Variants in ABCA3 observed in about 807,000 individuals in gnomAD.
ABCA3 encodes phospholipid-transporting ATPase ABCA3.
In ABCA3, 88 loss-of-function variants were observed where a neutral mutation model predicts 172.8. The observed-to-expected ratio is 0.51, with a 90% confidence interval of 0.43 to 0.61. ABCA3 has a LOEUF of 0.61. Among genes scored for constraint, ABCA3 ranks in the 20% least tolerant of loss-of-function variants. The pLI is 0.00. For missense variants in ABCA3, 2,164 were observed against 2,301.0 expected, an observed-to-expected ratio of 0.94 and a Z score of 1.22; for synonymous variants, 1,066 against 983.8, an observed-to-expected ratio of 1.08 and a Z score of -1.56.
At chr16:2,276,827 C>G in intron 32 of ABCA3, 22 bp from the exon 33 acceptor site, 1 of 1,613,384 alleles carries the variant, frequency 6.2e-7, no homozygotes, top group Non-Finnish European at 8.5e-7. Context: ...AGAAAAGTCA[C>G]TGGTAGGAGA....
rs45442195 is a variant in ABCA3, at chr16:2,328,680, G to A, written c.-254C>T. On this transcript the variant is annotated 5_prime_UTR_variant, in exon 3 of 33. It adds an upstream start codon to the 5' untranslated region. Transcript: ENST00000301732. ...CAGAGAGGAGTCCTTCCCGCTCAGC[G>A]TCCTTCATGTGCGGAAAAGCCTCCT... The A allele has an allele frequency of 1.7e-3, 689 of 397,052 alleles. 4 individuals carry two copies. The highest frequency in any genetic ancestry group is 0.012 in the African/African-American group (583 of 48,436). The allele number at this position is 397,052 out of a possible 1,614,324, so 24.6% of individuals were successfully genotyped here.
At chr16:2,282,023 TTG>T (rs1453654851) in intron 26 of ABCA3, among the ~76,000 whole-genome samples, 2 of 152,044 alleles carry the variant, frequency 1.3e-5, no homozygotes, top group Non-Finnish European at 2.9e-5. Flanking sequence ...CTCCTGACCT[TTG>T]GTGATCCGTC....
chr16:2,284,200 T>C lies in ABCA3; in HGVS notation c.3862+79A>G. On this transcript the variant is annotated intron_variant, in intron 25 of 32. Transcript: ENST00000301732. The surrounding 1 kb of genome is among the most constrained non-coding windows in gnomAD (Gnocchi z 5.9). ...GGCCACTCAGACGCAGAGGAGCCCCTGCCCTAGGAGGCCCCTCTGCAGTGA... is the reference window on the plus strand; with the variant it reads ...GGCCACTCAGACGCAGAGGAGCCCCCGCCCTAGGAGGCCCCTCTGCAGTGA... 2 of 1,508,922 alleles carry C rather than the reference T, an allele frequency of 1.3e-6. No individual in the cohort carries two copies. The highest frequency in any genetic ancestry group is 2.4e-5 in the East Asian group (1 of 42,374). The allele number at this position is 1,508,922 out of a possible 1,614,324, so 93.5% of individuals were successfully genotyped here.
At chr16:2,316,490 C>CG (rs2093715967) in intron 10 of ABCA3, among the ~76,000 whole-genome samples, 7 of 28,866 alleles carry the variant, frequency 2.4e-4, no homozygotes. Context: ...ACTAAAAATG[C>CG]AAAAAAAAAA....
intron 11 of ABCA3, among the ~76,000 whole-genome samples, chr16:2,307,577 CA>C: frequency 6.6e-6 from 1 of 152,106 alleles, no homozygotes; most frequent in South Asian, 2.1e-4. Context: ...AAAAAGTCCT[CA>C]AAACCCTAGA....
In ABCA3 at chr16:2,279,225, T is replaced by C. The variant is rs1283380044; in HGVS notation, c.4360-95A>G. ...GGACTACCCTTGAGGTGCCCACCAC[T>C]GCGCCTGTCTGTGGTTCCTGCCAGT... is the stretch of plus-strand genomic sequence containing the variant. On this transcript the variant is annotated intron_variant, in intron 28 of 32. Coordinates refer to ENST00000301732, the MANE Select transcript of ABCA3 (RefSeq NM_001089.3). This position sits in a 1 kb window ranked among gnomAD's most constrained non-coding sequence, Gnocchi z 4.4. The C allele has an allele frequency of 2.8e-6, 4 of 1,406,780 alleles. No individual in the cohort carries two copies. The highest frequency in any genetic ancestry group is 2.9e-6 in the Non-Finnish European group (3 of 1,024,098). 87.1% of individuals were successfully genotyped at this position (1,406,780 alleles called of 1,614,324 possible). A position where few individuals can be genotyped will look rare whatever the true frequency, so the allele number is the denominator to read the frequency against.
intron 14 of ABCA3, 112 bp downstream of exon 14, chr16:2,299,291 G>A (rs2093685164): frequency 8.1e-6 from 12 of 1,476,046 alleles, no homozygotes; most frequent in Non-Finnish European, 1.9e-6. Flanking sequence ...TCCTGCCGCT[G>A]TGGTTGGGGA....
At chr16:2,292,113 G>A (rs1440864032) in intron 19 of ABCA3, 27 bp downstream of exon 19, 1 of 1,578,574 alleles carries the variant, frequency 6.3e-7, no homozygotes, top group Non-Finnish European at 8.7e-7. Context: ...CCCAGTCCTA[G>A]GTGGACGGAA....
chr16:2,286,801 C>T lies in ABCA3; in HGVS notation c.3171G>A (p.Val1057=). 2 of 1,614,114 alleles carry T rather than the reference C, an allele frequency of 1.2e-6. No individual in the cohort carries two copies. Among genetic ancestry groups the T allele is most frequent in the Non-Finnish European group, 1.7e-6 (2 of 1,180,032 alleles). ...ACAGCAGCTTGAACAGAAGGTTGTC[C>T]ACGACGGCCAGGGCAGTGGCTGGAG... ...YHSPATALAV[V]DNLLFKLLCG... The change falls in exon 22 of 33, where the codon GTG becomes GTA. Residue 1057 remains valine (V), a synonymous_variant. Transcript: ENST00000301732. The surrounding 1 kb of genome is among the most constrained non-coding windows in gnomAD (Gnocchi z 5.2).
rs1387799863 is a variant in ABCA3 at position 2,286,927 on chromosome 16, C to T, written c.3045G>A (p.Glu1015=). The part of the protein sequence containing the change: ...EEFLIFRASV[E]GGGFNERCLV... ...GGCACCGCTCATTAAAGCCGCCCCC[C>T]TCCACAGAAGCCCTGAAGATCAAGA... Residue 1015 remains glutamate, a synonymous_variant, in exon 22 of 33, where the codon GAG becomes GAA. Transcript: ENST00000301732. This position sits in a 1 kb window ranked among gnomAD's most constrained non-coding sequence, Gnocchi z 5.2. 1.9e-6 allele frequency: 3 copies of T among 1,613,896 alleles called. No individual in the cohort carries two copies. The highest frequency in any genetic ancestry group is 2.2e-5 in the East Asian group (1 of 44,876).
chr16:2,299,390 G>A lies in ABCA3; in HGVS notation c.1741+13C>T, dbSNP rs759174325. ...CCTGCTGGTGGCAGGGGCGTGAGGC[G>A]CCTGGCCCTCACCTGTGAGCATGGA... On this transcript the variant is annotated intron_variant, in intron 14 of 32. Coordinates refer to ENST00000301732, the MANE Select transcript of ABCA3 (RefSeq NM_001089.3). The A allele has an allele frequency of 4.3e-6, 7 of 1,612,984 alleles. No homozygotes were observed. In the Admixed American group the frequency reaches 6.7e-5, roughly 15 times the overall value.
chr16:2,319,647 G>GAGC lies in ABCA3; in HGVS notation c.804_806dup (p.Leu269dup), dbSNP rs758339545. 15 of 1,613,782 alleles carry GAGC rather than the reference G, an allele frequency of 9.3e-6. No individual in the cohort carries two copies. Among genetic ancestry groups the GAGC allele is most frequent in the Non-Finnish European group, 1.3e-5 (15 of 1,180,002 alleles). On this transcript the variant is annotated inframe_insertion, in exon 8 of 33. Transcript: ENST00000301732. ...TGGTGAGCGCGGTGTAGGTGAAGCT[G>GAGC]AGCAGCAGCAGCAGGGGCAGCTGGT...
chr16:2,333,304 T>A (rs149523839), intron 1 of ABCA3, among the ~76,000 whole-genome samples: 2 of 152,238 alleles, frequency 1.3e-5, no homozygotes, highest in African/African-American at 4.8e-5. Context: ...CACAAAGGCA[T>A]AGAGAAATCC....
At chr16:2,317,836 G>A (rs1468105612) in intron 8 of ABCA3, 72 bp from the exon 9 acceptor site, 64 of 1,427,376 alleles carry the variant, frequency 4.5e-5, no homozygotes, top group South Asian at 4.6e-5. Flanking sequence ...CAGGCTGGAC[G>A]GCAGCAGGCC....
intron 12 of ABCA3, among the ~76,000 whole-genome samples, chr16:2,302,063 G>C (rs1192975459): frequency 3.9e-5 from 6 of 152,242 alleles, no homozygotes; most frequent in Non-Finnish European, 5.9e-5. Context: ...CAAGTAATTC[G>C]GCCCATCCAT....
At chr16:2,311,625 C>T (rs2093706888) in intron 10 of ABCA3, among the ~76,000 whole-genome samples, 1 of 152,148 alleles carries the variant, frequency 6.6e-6, no homozygotes, top group Non-Finnish European at 1.5e-5. Context: ...CAGGTTCAAG[C>T]AATTCCCTGC....
chr16:2,295,399 G>A (rs1408755232), intron 18 of ABCA3, among the ~76,000 whole-genome samples, 191 bp downstream of exon 18: 1 of 152,226 alleles, frequency 6.6e-6, no homozygotes, highest in Non-Finnish European at 1.5e-5. Flanking sequence ...CTCCTTGCTA[G>A]GAGGCCTGGC....
chr16:2,302,480 A>G (rs1012703941), intron 12 of ABCA3, among the ~76,000 whole-genome samples: 1 of 151,974 alleles, frequency 6.6e-6, no homozygotes, highest in Non-Finnish European at 1.5e-5. Flanking sequence ...CATTTTTTAC[A>G]ATATGATTCT....
In ABCA3 at chr16:2,281,308, G is replaced by C; in HGVS notation, c.4164+73C>G. 6.2e-7 allele frequency: 1 copy of C among 1,613,188 alleles called. No individual in the cohort carries two copies. The highest frequency in any genetic ancestry group is 1.7e-5 in the Admixed American group (1 of 60,018). On this transcript the variant is annotated intron_variant, in intron 27 of 32. Coordinates refer to ENST00000301732, the MANE Select transcript of ABCA3 (RefSeq NM_001089.3). The surrounding 1 kb of genome is among the most constrained non-coding windows in gnomAD (Gnocchi z 4.7). ...AGCCTCAGCGCCGAAAGCTTCCAGG[G>C]ATGGGGTCGGACCCTGGGGACAGCC...
Sources: allele counts gnomAD v4.1 joint callset (sites outside exome capture counted in the v4.1 genomes callset), GRCh38; gene constraint gnomAD v4.1.1; non-coding constraint Gnocchi (gnomAD v3.1); transcripts MANE v1.5; gene names NCBI Gene and HGNC (gene_info 2026-07-23, HGNC 2026-07-21).